Variants in OXNAD1 observed in about 807,000 individuals in gnomAD.
The protein encoded by OXNAD1 is oxidoreductase NAD binding domain containing 1, also known as oxidoreductase NAD-binding domain-containing protein 1.
A neutral mutation model predicts 32.9 loss-of-function variants in OXNAD1; 34 were observed. The ratio of observed to expected loss-of-function variants is 1.03; its 90% CI spans 0.79 to 1.38. The LOEUF is 1.38. Ranked by LOEUF, OXNAD1 falls within the 40% of genes most tolerant of loss-of-function variation. The pLI, the probability that OXNAD1 is intolerant of heterozygous loss-of-function variation, is 0.00. For synonymous variants in OXNAD1, 134 were observed against 135.2 expected (o/e 0.99, Z 0.06); for missense variants, 407 against 379.4 (o/e 1.07, Z -0.60).
exon 10 of OXNAD1, chr3:16,350,082 C>T (rs2071989910): frequency 6.6e-6 from 1 of 152,152 alleles, no homozygotes; most frequent in Non-Finnish European, 1.5e-5. Flanking sequence ...GGTGTTTGAT[C>T]AAGTAAGTGA....
chr3:16,315,649 C>T (rs1302004708), intron 9 of OXNAD1: 2 of 152,218 alleles, frequency 1.3e-5, no homozygotes, highest in African/African-American at 4.8e-5. Flanking sequence ...GTTCCACTTG[C>T]CATCTCTTTC....
intron 4 of OXNAD1, chr3:16,276,192 C>A: frequency 4.6e-6 from 1 of 216,814 alleles, no homozygotes; most frequent in Non-Finnish European, 9.1e-6. Context: ...CCAGTGGCTT[C>A]ACCAAGGCAG....
In OXNAD1 at chr3:16,265,855, C is replaced by G. The variant is rs902960559; in HGVS notation, c.-159+350C>G. ...GTCTCCAAAGCCCAGGAACAAATTA[C>G]TTATGTGAGTACCAGTTTTTTCGTT... On this transcript the variant is annotated intron_variant, in intron 1 of 8. Coordinates refer to ENST00000285083, the MANE Select transcript of OXNAD1 (RefSeq NM_138381.5). This position sits in a 1 kb window ranked among gnomAD's most constrained non-coding sequence, Gnocchi z 4.8. The G allele has an allele frequency of 6.1e-6, 6 of 984,938 alleles. No individual in the cohort carries two copies. The South Asian group carries it at 1.4e-4, about 23-fold the overall frequency. The allele number at this position is 984,938 out of a possible 1,614,324, so 61.0% of individuals were successfully genotyped here.
At chr3:16,294,830 A>G (rs757381045) in intron 5 of OXNAD1, 26 bp from the exon 6 acceptor site, 2 of 1,592,204 alleles carry the variant, frequency 1.3e-6, no homozygotes, top group South Asian at 1.1e-5. Context: ...CTTCAACAAT[A>G]ATCATTTATT....
intron 2 of OXNAD1, among the ~76,000 whole-genome samples, chr3:16,270,586 A>G (rs1226271757): frequency 6.6e-6 from 1 of 152,180 alleles, no homozygotes; most frequent in Non-Finnish European, 1.5e-5. Context: ...CTTATGCAGT[A>G]CTCTTCAGGT....
chr3:16,351,251 C>T (rs886147269), downstream of OXNAD1, among the ~76,000 whole-genome samples: 10 of 152,156 alleles, frequency 6.6e-5, no homozygotes, highest in African/African-American at 2.4e-4. This position sits in a 1 kb window ranked among gnomAD's most constrained non-coding sequence, Gnocchi z 5.4. Context: ...TCCTGCAGCG[C>T]GCCAAGGACT....
chr3:16,332,309 GCTTT>G (rs1047207655), intron 9 of OXNAD1, among the ~76,000 whole-genome samples: 51 of 149,940 alleles, frequency 3.4e-4, no homozygotes, highest in African/African-American at 1.0e-3. Context: ...TTTTAATTTT[GCTTT>G]CTGAGAGATT....
rs1300285333 is a variant in OXNAD1 at position 16,288,145 on chromosome 3, G to A, written c.290+1697G>A. ...GAATGGCCATTTTGCTGAGGTTGGC[G>A]GTGTCTGTCCCTTCCATGCTGTTGC... On this transcript the variant is annotated intron_variant, in intron 5 of 8. Transcript: ENST00000285083. The surrounding 1 kb of genome is among the most constrained non-coding windows in gnomAD (Gnocchi z 5.1). Among the ~76,000 whole-genome samples the A allele has an allele frequency of 1.3e-5, 2 of 152,126 alleles. No individual in the cohort carries two copies. Among genetic ancestry groups the A allele is most frequent in the African/African-American group, 2.4e-5 (1 of 41,418 alleles).
intron 9 of OXNAD1, among the ~76,000 whole-genome samples, chr3:16,328,072 G>A (rs891271792): frequency 1.3e-5 from 2 of 152,222 alleles, no homozygotes; most frequent in Non-Finnish European, 1.5e-5. Context: ...AGCCATGATG[G>A]GTGCAAAGGC....
chr3:16,313,356 T>G (rs1379671581), intron 9 of OXNAD1, among the ~76,000 whole-genome samples: 1 of 152,026 alleles, frequency 6.6e-6, no homozygotes. Context: ...TGGTCCATCT[T>G]GAACTGTGCT....
At chr3:16,340,814 G>A (rs1038565648), downstream of OXNAD1, among the ~76,000 whole-genome samples, 2 of 152,082 alleles carry the variant, frequency 1.3e-5, no homozygotes, top group East Asian at 1.9e-4. Flanking sequence ...ATTTGTTTCC[G>A]TGGGATAAAA....
Position 16,294,872 on chromosome 3 carries a change from C to G in OXNAD1, c.307C>G (p.Pro103Ala), listed in dbSNP as rs769800416. Residue 103 changes from proline (P) to alanine (A), a missense_variant, in exon 6 of 9, where the codon CCA becomes GCA. Pro to Ala is a conservative substitution (Grantham distance 27). Transcript: ENST00000285083. ...KAGQWVDFFIPGVSVVGGFSI... is the reference protein window; with the variant it reads ...KAGQWVDFFIAGVSVVGGFSI... ...TCTTTTTAGGGTTGATTTCTTTATT[C>G]CAGGAGTCTCTGTGGTTGGTGGGTT... 1.9e-6 allele frequency: 3 copies of G among 1,610,978 alleles called. No homozygotes were observed. Among genetic ancestry groups the G allele is most frequent in the Non-Finnish European group, 2.5e-6 (3 of 1,178,426 alleles).
chr3:16,323,387 T>C (rs756365890), intron 9 of OXNAD1: 44 of 1,608,622 alleles, frequency 2.7e-5, no homozygotes, highest in Non-Finnish European at 3.1e-5. Flanking sequence ...TTCGATTCCT[T>C]CTTCTTGATT....
In OXNAD1 at chr3:16,271,764, G is replaced by A. The variant is rs756836494; in HGVS notation, c.183+42G>A. The stretch of plus-strand genomic sequence containing the variant: ...TATGACAGGTTTTTCCAGCTAGACC[G>A]TTTACATGTGGTTATGACTGGCTTA... On this transcript the variant is annotated intron_variant, in intron 4 of 8. Coordinates refer to ENST00000285083, the MANE Select transcript of OXNAD1 (RefSeq NM_138381.5). The surrounding 1 kb of genome is among the most constrained non-coding windows in gnomAD (Gnocchi z 4.6). 12 of 1,538,594 alleles carry A rather than the reference G, an allele frequency of 7.8e-6. No homozygotes were observed. Among genetic ancestry groups the A allele is most frequent in the African/African-American group, 2.8e-5 (2 of 72,074 alleles).
chr3:16,317,202 G>C lies in OXNAD1; in HGVS notation c.*30+13610G>C. On this transcript the variant is annotated intron_variant, in intron 9 of 9. Transcript: ENST00000435829. This position sits in a 1 kb window ranked among gnomAD's most constrained non-coding sequence, Gnocchi z 4.3. The stretch of plus-strand genomic sequence containing the variant: ...TTTGATTTCCTCATCTGCCTGTTGT[G>C]CATTTCTTCTCTGGAGAATCGCCAC... 1 of 1,613,064 alleles carries C rather than the reference G, an allele frequency of 6.2e-7. No homozygotes were observed. The highest frequency in any genetic ancestry group is 8.5e-7 in the Non-Finnish European group (1 of 1,179,972).
Position 16,303,536 on chromosome 3 carries a change from C to G in OXNAD1, c.913C>G (p.His305Asp). 1 of 1,613,960 alleles carries G rather than the reference C, an allele frequency of 6.2e-7. No homozygotes were observed. Among genetic ancestry groups the G allele is most frequent in the Non-Finnish European group, 8.5e-7 (1 of 1,179,930 alleles). Residue 305 changes from histidine to aspartate, a missense_variant, in exon 9 of 9, where the codon CAC becomes GAC. His to Asp is a moderately conservative substitution (Grantham distance 81). Coordinates refer to ENST00000285083, the MANE Select transcript of OXNAD1 (RefSeq NM_138381.5). This position sits in a 1 kb window ranked among gnomAD's most constrained non-coding sequence, Gnocchi z 4.8. Reference protein sequence around the residue: ...QLENNHVPKEHICFEKWW With the variant: ...QLENNHVPKEDICFEKWW ...GGAAAACAACCATGTACCCAAAGAA[C>G]ACATTTGCTTTGAGAAGTGGTGGTA... is the stretch of plus-strand genomic sequence containing the variant.
At chr3:16,296,604 T>C (rs764201360) in intron 6 of OXNAD1, among the ~76,000 whole-genome samples, 2 of 152,180 alleles carry the variant, frequency 1.3e-5, no homozygotes, top group Non-Finnish European at 2.9e-5. Flanking sequence ...AGTATGGTAT[T>C]GGTGAAAGGA....
rs1392380678 is a variant in OXNAD1 at position 16,348,597 on chromosome 3, G to A, written c.*31-579G>A. On this transcript the variant is annotated intron_variant, in intron 9 of 9. Coordinates refer to the OXNAD1 transcript ENST00000606098. The surrounding 1 kb of genome is among the most constrained non-coding windows in gnomAD (Gnocchi z 6.3). ...CCTTGAATGCCTTCCCATTTCCTTT[G>A]TAGGATGTCTTCTTCCCGAGGCTCC... Among the ~76,000 whole-genome samples, 3 of 152,086 alleles carry A rather than the reference G, an allele frequency of 2.0e-5. No homozygotes were observed. The highest frequency in any genetic ancestry group is 7.2e-5 in the African/African-American group (3 of 41,414).
At position 16,322,753 on chromosome 3, in the gene OXNAD1, T is replaced by C. The variant is rs2069216911; in HGVS notation, c.*31-14359T>C. ...AGAAGACTCTCTGAGAAGGCCAGTCTCTGTGCGACTGTTTCTAGGGTAGTT... is the reference window on the plus strand; with the variant it reads ...AGAAGACTCTCTGAGAAGGCCAGTCCCTGTGCGACTGTTTCTAGGGTAGTT... On this transcript the variant is annotated intron_variant, in intron 9 of 9. Coordinates refer to the OXNAD1 transcript ENST00000435829. The surrounding 1 kb of genome is among the most constrained non-coding windows in gnomAD (Gnocchi z 6.2). Among the ~76,000 whole-genome samples, 1 of 152,092 alleles carries C rather than the reference T, an allele frequency of 6.6e-6. No individual in the cohort carries two copies.
Sources: allele counts gnomAD v4.1 joint callset (sites outside exome capture counted in the v4.1 genomes callset), GRCh38; gene constraint gnomAD v4.1.1; non-coding constraint Gnocchi (gnomAD v3.1); transcripts MANE v1.5; gene names NCBI Gene and HGNC (gene_info 2026-07-23, HGNC 2026-07-21).